MUC21: variants seen among roughly 807,000 people sequenced by gnomAD.
The protein encoded by MUC21 is mucin-21.
In MUC21, 8 loss-of-function variants were observed where a neutral mutation model predicts 9.1. That is an observed-to-expected ratio of 0.88 (90% CI 0.52 to 1.59). The LOEUF (loss-of-function observed/expected upper bound fraction) is 1.59, where lower values mean the gene tolerates loss of function less well. MUC21 is among the 40% of genes most tolerant of loss of function. The probability of loss-of-function intolerance (pLI) is 0.00; values close to 1 mark genes in which losing one functional copy is unlikely to be tolerated. For synonymous variants in MUC21, 189 were observed against 275.2 expected (o/e 0.69, Z 3.10); for missense variants, 478 against 694.2 (o/e 0.69, Z 3.50).
intron 1 of MUC21, among the ~76,000 whole-genome samples, chr6:30,985,026 AAAT>A (rs1762191613): frequency 6.6e-6 from 1 of 151,522 alleles, no homozygotes; most frequent in Non-Finnish European, 1.5e-5. Context: ...AAATAAAATA[AAAT>A]AAAATAAAAT....
At chr6:30,984,496 C>T (rs1762167183) in intron 1 of MUC21, among the ~76,000 whole-genome samples, 1 of 151,978 alleles carries the variant, frequency 6.6e-6, no homozygotes, top group Admixed American at 6.6e-5. Flanking sequence ...GTGGCAAAAC[C>T]CTGTCTCTAC....
intron 1 of MUC21, 124 bp downstream of exon 1, chr6:30,984,143 A>G: frequency 4.6e-6 from 3 of 657,260 alleles, no homozygotes; most frequent in East Asian, 2.6e-5. Context: ...TTTTACTCGA[A>G]TCACTTCAGC....
chr6:30,987,571 G>A lies in MUC21; in HGVS notation c.1396G>A (p.Val466Met). 1.2e-6 allele frequency: 2 copies of A among 1,614,254 alleles called. No homozygotes were observed. Among genetic ancestry groups the A allele is most frequent in the Non-Finnish European group, 1.7e-6 (2 of 1,180,044 alleles). The part of the protein sequence containing the change: ...HTTSHSASTA[V>M]SEAKPGGSLV... ...AACTTCCCATAGTGCATCTACTGCA[G>A]TGAGTGAGGCGAAGCCTGGTGGGTC... The change falls in exon 2 of 3, where the codon GTG becomes ATG. Residue 466 changes from valine (V) to methionine (M), a missense_variant. Around this residue, in one of 5 missense-constraint regions of MUC21, gnomAD observed 158 missense variants for 192.6 expected, o/e 0.82. Coordinates refer to ENST00000376296, the MANE Select transcript of MUC21 (RefSeq NM_001010909.5).
intron 2 of MUC21, 49 bp from the exon 3 acceptor site, chr6:30,987,951 G>T: frequency 2.0e-6 from 2 of 984,450 alleles, no homozygotes. Context: ...TGGTAAAGGC[G>T]TGGGAGACAG....
chr6:30,989,681 G>A lies in MUC21; in HGVS notation c.*1487G>A, dbSNP rs1209782890. The A allele has an allele frequency of 1.3e-5, 2 of 152,270 alleles. No homozygotes were observed. Among genetic ancestry groups the A allele is most frequent in the African/African-American group, 4.8e-5 (2 of 41,442 alleles). 9.4% of individuals were successfully genotyped at this position (152,270 alleles called of 1,614,324 possible). On this transcript the variant is annotated 3_prime_UTR_variant, in exon 3 of 3. Transcript: ENST00000376296. The stretch of plus-strand genomic sequence containing the variant: ...TATCAAGGGCTTTAAAACAATGCCT[G>A]TAGCGTAATTAACCTCTCACAAAGA...
Position 30,988,263 on chromosome 6 carries a change from TTTCA to T in MUC21, c.*75_*78del, listed in dbSNP as rs1157685832. The T allele has an allele frequency of 2.1e-6, 3 of 1,446,396 alleles. No individual in the cohort carries two copies. In the African/African-American group the frequency reaches 4.3e-5, roughly 21 times the overall value. 89.6% of individuals were successfully genotyped at this position (1,446,396 alleles called of 1,614,324 possible). ...CCTGGGCACCCAAGACCTGGTTTCC[TTTCA>T]TTCATCCCAGGAGACCCCTCCCAGC... On this transcript the variant is annotated 3_prime_UTR_variant, in exon 3 of 3. Transcript: ENST00000376296.
At chr6:30,986,174 G>A in intron 1 of MUC21, 63 bp from the exon 2 acceptor site, 1 of 1,386,016 alleles carries the variant, frequency 7.2e-7, no homozygotes, top group Non-Finnish European at 9.9e-7. Context: ...AATGAATTTA[G>A]CCAAGCAATA....
intron 2 of MUC21, 95 bp downstream of exon 2, chr6:30,987,776 G>A (rs1762448746): frequency 2.6e-6 from 4 of 1,526,418 alleles, no homozygotes; most frequent in Non-Finnish European, 3.5e-6. Context: ...GTCAGGGGTG[G>A]GTAGGGAGGA....
At chr6:30,984,299 C>T (rs1188552943) in intron 1 of MUC21, 2 of 386,040 alleles carry the variant, frequency 5.2e-6, no homozygotes, top group Non-Finnish European at 9.2e-6. Context: ...ATTTCTGCAT[C>T]TGTAAAATGG....
In MUC21 at chr6:30,989,588, T is replaced by G. The variant is rs1314300828; in HGVS notation, c.*1394T>G. 2 of 152,368 alleles carry G rather than the reference T, an allele frequency of 1.3e-5. No homozygotes were observed. Among genetic ancestry groups the G allele is most frequent in the Non-Finnish European group, 2.9e-5 (2 of 68,152 alleles). 9.4% of individuals were successfully genotyped at this position (152,368 alleles called of 1,614,324 possible). On this transcript the variant is annotated 3_prime_UTR_variant, in exon 3 of 3. Transcript: ENST00000376296. ...GCCTTGGCCTCCCAAAATGCTGAGATTACAGGTGTGAGCCACTGCACCTCG... is the reference window on the plus strand; with the variant it reads ...GCCTTGGCCTCCCAAAATGCTGAGAGTACAGGTGTGAGCCACTGCACCTCG...
chr6:30,988,225 AG>A lies in MUC21; in HGVS notation c.*33del. 1.3e-6 allele frequency: 2 copies of A among 1,584,512 alleles called. No individual in the cohort carries two copies. The highest frequency in any genetic ancestry group is 1.7e-6 in the Non-Finnish European group (2 of 1,166,684). ...CCCGGAAGCAAGTGCCGCATTCTTC[AG>A]GAAGGAAGAGACCTGGGCACCCAAG... is the stretch of plus-strand genomic sequence containing the variant. On this transcript the variant is annotated 3_prime_UTR_variant, in exon 3 of 3. Transcript: ENST00000376296.
chr6:30,985,857 C>T (rs953066523), intron 1 of MUC21, among the ~76,000 whole-genome samples: 2 of 152,074 alleles, frequency 1.3e-5, no homozygotes, highest in African/African-American at 4.8e-5. Context: ...CTCGACTCAC[C>T]GCAACCTCTG....
At position 30,988,202 on chromosome 6, in the gene MUC21, C is replaced by G. The variant is rs745385586; in HGVS notation, c.*8C>G. ...AGGAACAGCGGGCCCTGAGCAGCCCCGGAAGCAAGTGCCGCATTCTTCAGG... is the reference window on the plus strand; with the variant it reads ...AGGAACAGCGGGCCCTGAGCAGCCCGGGAAGCAAGTGCCGCATTCTTCAGG... On this transcript the variant is annotated 3_prime_UTR_variant, in exon 3 of 3. Coordinates refer to ENST00000376296, the MANE Select transcript of MUC21 (RefSeq NM_001010909.5). The G allele has an allele frequency of 5.6e-6, 9 of 1,605,108 alleles. No homozygotes were observed. The African/African-American group carries it at 1.1e-4, about 19-fold the overall frequency.
intron 1 of MUC21, among the ~76,000 whole-genome samples, chr6:30,984,327 T>A (rs867738492): frequency 6.6e-6 from 1 of 152,188 alleles, no homozygotes; most frequent in Non-Finnish European, 1.5e-5. Context: ...CTGTGTAATA[T>A]GGTTGGGGTT....
At position 30,983,916 on chromosome 6, in the gene MUC21, A is replaced by T. The variant is rs150074620; in HGVS notation, c.-43A>T. The T allele has an allele frequency of 8.2e-4, 638 of 777,634 alleles. 3 individuals carry two copies. Among genetic ancestry groups the T allele is most frequent in the African/African-American group, 7.4e-3 (437 of 59,122 alleles). The allele number at this position is 777,634 out of a possible 1,614,324, so 48.2% of individuals were successfully genotyped here. ...TCTTTGCCCTCTAAAGTCTTGGTAC[A>T]TCTAGGACCCAGGCATCTTGCTTTC... On this transcript the variant is annotated 5_prime_UTR_variant, in exon 1 of 3. Transcript: ENST00000376296.
chr6:30,985,428 G>GAA (rs1762208457), intron 1 of MUC21, among the ~76,000 whole-genome samples: 1 of 152,156 alleles, frequency 6.6e-6, no homozygotes, highest in Non-Finnish European at 1.5e-5. Flanking sequence ...ATTTGCTTAA[G>GAA]AATATTTTCA....
Position 30,988,378 on chromosome 6 carries a change from C to A in MUC21, c.*184C>A, listed in dbSNP as rs1762480529. ...ACACTGGAAAGAGAATACTATATTG[C>A]TCATTTAGCTAAGAAATAAATACAT... On this transcript the variant is annotated 3_prime_UTR_variant, in exon 3 of 3. Transcript: ENST00000376296. 2 of 576,618 alleles carry A rather than the reference C, an allele frequency of 3.5e-6. No individual in the cohort carries two copies. Among genetic ancestry groups the A allele is most frequent in the Non-Finnish European group, 3.0e-6 (1 of 331,056 alleles). The allele number at this position is 576,618 out of a possible 1,614,324, so 35.7% of individuals were successfully genotyped here.
chr6:30,984,113 C>G (rs1762153323), intron 1 of MUC21, 94 bp downstream of exon 1: 4 of 727,884 alleles, frequency 5.5e-6, no homozygotes, highest in South Asian at 1.5e-5. Context: ...TGCTTCTCTT[C>G]CATAGAGTGA....
rs768888103 is a variant in MUC21, at chr6:30,986,359, A to G, written c.184A>G (p.Ile62Val). 6.2e-7 allele frequency: 1 copy of G among 1,611,990 alleles called. No individual in the cohort carries two copies. The highest frequency in any genetic ancestry group is 8.5e-7 in the Non-Finnish European group (1 of 1,178,910). ...CTCCAGTGGGGTCAGCACAGCCACC[A>G]TCTCAGGGTCCAGCGTGACCTCCAA... is the stretch of plus-strand genomic sequence containing the variant. The part of the protein sequence containing the change: ...VTSSGVSTAT[I>V]SGSSVTSNGV... The change falls in exon 2 of 3, where the codon ATC becomes GTC. Residue 62 changes from isoleucine (I) to valine (V), a missense_variant. By Grantham distance (29) the Ile-to-Val change is conservative (BLOSUM62 3). Transcript: ENST00000376296.
Sources: allele counts gnomAD v4.1 joint callset (sites outside exome capture counted in the v4.1 genomes callset), GRCh38; gene constraint gnomAD v4.1.1; regional missense constraint gnomAD v4.1.1; transcripts MANE v1.5; gene names NCBI Gene and HGNC (gene_info 2026-07-23, HGNC 2026-07-21).